The following AKAP19 variants were observed in gnomAD, a reference collection of about 807,000 sequenced individuals.
The protein encoded by AKAP19 is A-kinase anchoring protein 19, also known as small A-kinase anchoring protein.
chr2:190,084,490 G>T, the AKAP19 span, among the ~76,000 whole-genome samples: 3 of 152,156 alleles, frequency 2.0e-5, no homozygotes, highest in Admixed American at 2.0e-4. Context: ...TGATAAATTG[G>T]TGGAAAATGC....
chr2:190,119,399 T>G, the AKAP19 span, among the ~76,000 whole-genome samples: 11 of 152,134 alleles, frequency 7.2e-5, no homozygotes, highest in African/African-American at 2.7e-4. Context: ...TGACTAGGCA[T>G]GTCATTCACG....
At chr2:189,954,318 T>C in the AKAP19 span, among the ~76,000 whole-genome samples, 2 of 152,248 alleles carry the variant, frequency 1.3e-5, no homozygotes. Context: ...ACACACACTG[T>C]TTACTTAAAT....
the AKAP19 span, chr2:190,202,647 G>T: frequency 6.0e-6 from 1 of 166,986 alleles, no homozygotes; most frequent in Non-Finnish European, 1.5e-5. Context: ...GACTGTCTGA[G>T]AAGGCAGGAG....
chr2:190,032,691 C>T, the AKAP19 span, among the ~76,000 whole-genome samples: 2 of 152,014 alleles, frequency 1.3e-5, no homozygotes, highest in Non-Finnish European at 2.9e-5. Context: ...CACAGTGGCT[C>T]CCCTTATTAT....
the AKAP19 span, among the ~76,000 whole-genome samples, chr2:190,029,271 T>C: frequency 6.6e-6 from 1 of 152,034 alleles, no homozygotes. Context: ...AGGCTGGTCT[T>C]AAACTCCCGA....
At chr2:189,917,030 G>A in the AKAP19 span, among the ~76,000 whole-genome samples, 24 of 152,062 alleles carry the variant, frequency 1.6e-4, no homozygotes, top group Non-Finnish European at 3.1e-4. Context: ...AAATGTGGCA[G>A]GGTTCAACAA....
chr2:189,974,097 G>A, the AKAP19 span, among the ~76,000 whole-genome samples: 1 of 151,944 alleles, frequency 6.6e-6, no homozygotes, highest in African/African-American at 2.4e-5. Flanking sequence ...GATCTTTCCT[G>A]CTTTCTCTTG....
the AKAP19 span, among the ~76,000 whole-genome samples, chr2:189,913,726 CTT>C: frequency 2.0e-5 from 3 of 152,058 alleles, no homozygotes; most frequent in Non-Finnish European, 2.9e-5. Context: ...TTTTGATGCT[CTT>C]TGCAGTAAAT....
chr2:189,983,255 A>G, the AKAP19 span, among the ~76,000 whole-genome samples: 1 of 152,158 alleles, frequency 6.6e-6, no homozygotes, highest in Admixed American at 6.5e-5. Context: ...TGCATGCTAC[A>G]GATGCACCCT....
At chr2:190,158,279 A>T in the AKAP19 span, among the ~76,000 whole-genome samples, 1 of 152,158 alleles carries the variant, frequency 6.6e-6, no homozygotes, top group South Asian at 2.1e-4. Context: ...TCCTTATACA[A>T]CTCAGTGTCT....
At chr2:190,110,578 T>G in the AKAP19 span, among the ~76,000 whole-genome samples, 2 of 152,220 alleles carry the variant, frequency 1.3e-5, no homozygotes, top group African/African-American at 4.8e-5. Flanking sequence ...AATAATAATA[T>G]TATTGAATAA....
At chr2:190,011,830 A>G in the AKAP19 span, among the ~76,000 whole-genome samples, 981 of 152,150 alleles carry the variant, frequency 6.4e-3, 13 homozygotes, top group African/African-American at 0.022. Context: ...TTTGATTACT[A>G]TGGCTTTGCA....
At chr2:190,165,957 A>G in the AKAP19 span, among the ~76,000 whole-genome samples, 2 of 152,304 alleles carry the variant, frequency 1.3e-5, no homozygotes, top group African/African-American at 4.8e-5. Flanking sequence ...CTAGCCAGCT[A>G]AAATATTTCA....
At chr2:190,063,704 C>T in the AKAP19 span, among the ~76,000 whole-genome samples, 13 of 152,032 alleles carry the variant, frequency 8.6e-5, no homozygotes, top group Non-Finnish European at 1.9e-4. Context: ...CCCAATACTG[C>T]GATATGTTTG....
At chr2:189,973,688 A>AGGGTTATTCAGGTTATTCAGGGTT in the AKAP19 span, among the ~76,000 whole-genome samples, 1 of 152,158 alleles carries the variant, frequency 6.6e-6, no homozygotes, top group Non-Finnish European at 1.5e-5. Context: ...TCAGGGATTC[A>AGGGTTATTCAGGTTATTCAGGGTT]ACTTCTTCCT....
the AKAP19 span, among the ~76,000 whole-genome samples, chr2:190,036,050 A>T: frequency 6.6e-6 from 1 of 152,172 alleles, no homozygotes; most frequent in Non-Finnish European, 1.5e-5. Flanking sequence ...GTCAGTGCAA[A>T]ATTTTATGCT....
the AKAP19 span, among the ~76,000 whole-genome samples, chr2:190,086,001 A>G: frequency 6.6e-5 from 10 of 152,326 alleles, no homozygotes; most frequent in Middle Eastern, 3.4e-3. Flanking sequence ...TTTCAGCATT[A>G]CAGTGCAGCC....
At chr2:189,982,944 A>AGGG in the AKAP19 span, among the ~76,000 whole-genome samples, 1 of 152,116 alleles carries the variant, frequency 6.6e-6, no homozygotes, top group African/African-American at 2.4e-5. Flanking sequence ...CTCTGATAGC[A>AGGG]GGTTTTTTGT....
chr2:190,025,684 T>C, the AKAP19 span, among the ~76,000 whole-genome samples: 1 of 152,186 alleles, frequency 6.6e-6, no homozygotes, highest in Non-Finnish European at 1.5e-5. Context: ...CAGACTTTGC[T>C]AATGGGCAGT....
Sources: allele counts gnomAD v4.1 joint callset (sites outside exome capture counted in the v4.1 genomes callset), GRCh38; gene constraint gnomAD v4.1.1; transcripts MANE v1.5; gene names NCBI Gene and HGNC (gene_info 2026-07-23, HGNC 2026-07-21).